Variants in KCNG2 observed in about 807,000 individuals in gnomAD.
The protein encoded by KCNG2 is voltage-gated potassium channel regulatory subunit KCNG2.
Under a neutral mutation model 12.3 loss-of-function variants are expected in KCNG2, and 7 were observed. That is an observed-to-expected ratio of 0.57 (90% CI 0.32 to 1.07). The LOEUF is 1.07. KCNG2 is among the 50% of genes least tolerant of loss of function. The pLI is 0.04. For synonymous variants in KCNG2, 414 were observed against 351.4 expected (o/e 1.18, Z -1.99); for missense variants, 703 against 726.0 (o/e 0.97, Z 0.36).
At position 79,812,678 on chromosome 18, in the gene KCNG2, T is replaced by A. The variant is rs548354269; in HGVS notation, c.-115+14664T>A. Among the ~76,000 whole-genome samples the A allele has an allele frequency of 3.3e-5, 5 of 152,068 alleles. No homozygotes were observed. In the East Asian group the frequency reaches 9.7e-4, roughly 29 times the overall value. ...GAGTTCAAGACCAAGCTGGCCAACA[T>A]GGCAAAACCTCATCTTTACTAAAAA... On this transcript the variant is annotated intron_variant, in intron 1 of 3. Coordinates refer to ENST00000316249, the MANE Select transcript of KCNG2 (RefSeq NM_012283.2).
chr18:79,817,617 G>A (rs924878284), intron 1 of KCNG2, among the ~76,000 whole-genome samples: 7 of 152,180 alleles, frequency 4.6e-5, no homozygotes, highest in Non-Finnish European at 8.8e-5. Flanking sequence ...TGTCACACAC[G>A]CGGGTTGTCA....
chr18:79,843,700 T>C (rs1599386483), intron 1 of KCNG2, among the ~76,000 whole-genome samples: 2 of 151,894 alleles, frequency 1.3e-5, no homozygotes, highest in Non-Finnish European at 2.9e-5. Flanking sequence ...TGCCTCATGG[T>C]AACTAAAAAG....
chr18:79,809,405 A>T (rs34021970), intron 1 of KCNG2, among the ~76,000 whole-genome samples: 145 of 98,620 alleles, frequency 1.5e-3, no homozygotes, highest in East Asian at 3.9e-3. Flanking sequence ...TGCCGGGGAC[A>T]CACTGACCAC....
At chr18:79,809,383 G>A (rs2087474162) in intron 1 of KCNG2, among the ~76,000 whole-genome samples, 1 of 145,768 alleles carries the variant, frequency 6.9e-6, no homozygotes, top group Non-Finnish European at 1.5e-5. Flanking sequence ...CAGAGTCCTC[G>A]CTCTGAGGAG....
At chr18:79,864,756 G>A (rs938741534) in intron 3 of KCNG2, among the ~76,000 whole-genome samples, 9 of 149,834 alleles carry the variant, frequency 6.0e-5, no homozygotes, top group South Asian at 2.1e-4. Context: ...CTATGGAACC[G>A]AGGTCTGGGT....
intron 1 of KCNG2, among the ~76,000 whole-genome samples, chr18:79,835,291 A>T (rs1978317671): frequency 6.6e-6 from 1 of 152,232 alleles, no homozygotes; most frequent in African/African-American, 2.4e-5. Flanking sequence ...CAGCCCTCAT[A>T]CCAAGAGCCA....
At chr18:79,798,881 G>T (rs544539919) in intron 1 of KCNG2, among the ~76,000 whole-genome samples, 1 of 152,224 alleles carries the variant, frequency 6.6e-6, no homozygotes, top group Non-Finnish European at 1.5e-5. Context: ...CACAAGTCCC[G>T]GAGACCCTGG....
chr18:79,882,581 C>G (rs888570810), intron 3 of KCNG2, among the ~76,000 whole-genome samples: 1 of 152,282 alleles, frequency 6.6e-6, no homozygotes, highest in Non-Finnish European at 1.5e-5. Flanking sequence ...CAGCGCTGAA[C>G]TGTTATTAGG....
At chr18:79,882,031 C>G (rs555371220) in intron 3 of KCNG2, among the ~76,000 whole-genome samples, 3 of 150,872 alleles carry the variant, frequency 2.0e-5, no homozygotes, top group Non-Finnish European at 3.0e-5. Flanking sequence ...CCATGCCTTA[C>G]GTTTTATACA....
At chr18:79,879,759 G>A (rs373897888) in intron 3 of KCNG2, among the ~76,000 whole-genome samples, 6 of 152,236 alleles carry the variant, frequency 3.9e-5, no homozygotes, top group South Asian at 2.1e-4. Flanking sequence ...ACCAGTGCAC[G>A]AATCCCCCAA....
chr18:79,834,958 T>G lies in KCNG2; in HGVS notation c.-114-21421T>G, dbSNP rs572407203. Among the ~76,000 whole-genome samples, 5 of 152,334 alleles carry G rather than the reference T, an allele frequency of 3.3e-5. No homozygotes were observed. In the East Asian group the frequency reaches 9.6e-4, roughly 29 times the overall value. ...CCCTCTTGTTTATACTGAGTCTGTC[T>G]AACAGAACCGTCTGTGCCACCCACA... is the stretch of plus-strand genomic sequence containing the variant. On this transcript the variant is annotated intron_variant, in intron 1 of 3. Transcript: ENST00000316249.
At chr18:79,895,699 G>C (rs1184924995) in intron 3 of KCNG2, among the ~76,000 whole-genome samples, 1 of 151,860 alleles carries the variant, frequency 6.6e-6, no homozygotes, top group Non-Finnish European at 1.5e-5. Context: ...AGTTGAGTCT[G>C]TGTCTGCTTT....
chr18:79,802,490 G>A (rs538823734), intron 1 of KCNG2, among the ~76,000 whole-genome samples: 2 of 152,362 alleles, frequency 1.3e-5, no homozygotes, highest in Admixed American at 6.5e-5. Context: ...CAGCCCGGCC[G>A]CTGCAGCATC....
chr18:79,858,992 G>C (rs1164522676), intron 2 of KCNG2, among the ~76,000 whole-genome samples: 1 of 152,094 alleles, frequency 6.6e-6, no homozygotes, highest in Non-Finnish European at 1.5e-5. Context: ...TACGGGACTT[G>C]CAGCTCTTTT....
At chr18:79,856,280 G>A (rs150248015) in intron 1 of KCNG2, among the ~76,000 whole-genome samples, 99 bp from the exon 2 acceptor site, 2 of 152,318 alleles carry the variant, frequency 1.3e-5, no homozygotes, top group African/African-American at 2.4e-5. Flanking sequence ...GTGTGCTCGC[G>A]GGGACTGGAG....
At chr18:79,826,158 C>A (rs1267914455) in intron 1 of KCNG2, among the ~76,000 whole-genome samples, 2 of 152,248 alleles carry the variant, frequency 1.3e-5, no homozygotes, top group African/African-American at 4.8e-5. Context: ...GTTGGCAAGG[C>A]CAGGAACCCG....
In KCNG2 at chr18:79,876,672, G is replaced by A. The variant is rs34587697; in HGVS notation, c.624+12381G>A. Among the ~76,000 whole-genome samples, 22 of 152,314 alleles carry A rather than the reference G, an allele frequency of 1.4e-4. No homozygotes were observed. In the South Asian group the frequency reaches 3.1e-3, roughly 22 times the overall value. On this transcript the variant is annotated intron_variant, in intron 3 of 3. Transcript: ENST00000316249. ...GAGGGCAGGGCCAGCCCCCTCTCTC[G>A]GCACAGCTGGGTGAATCATCAACGA...
intron 3 of KCNG2, among the ~76,000 whole-genome samples, chr18:79,865,256 G>A (rs1307823123): frequency 6.9e-6 from 1 of 144,692 alleles, no homozygotes; most frequent in Non-Finnish European, 1.5e-5. Flanking sequence ...GGGTGCTGAG[G>A]TCTGGGTGCT....
intron 1 of KCNG2, among the ~76,000 whole-genome samples, chr18:79,801,747 G>A (rs536459970): frequency 6.6e-6 from 1 of 152,260 alleles, no homozygotes; most frequent in South Asian, 2.1e-4. Flanking sequence ...TTCTTGCATA[G>A]GATTAGTGCA....
Sources: gnomAD v4.1 joint callset for allele counts (sites outside exome capture counted in the v4.1 genomes callset) on GRCh38, gnomAD v4.1.1 for gene constraint, MANE v1.5 for transcripts, NCBI Gene and HGNC (gene_info 2026-07-23, HGNC 2026-07-21) for gene names.